The following DGKI variants were observed in gnomAD, a reference collection of about 807,000 sequenced individuals.
DGKI encodes the protein diacylglycerol kinase iota.
DGKI carries 55 observed loss-of-function variants against 147.5 expected under a neutral mutation model. The ratio of observed to expected loss-of-function variants is 0.37; its 90% CI spans 0.30 to 0.47. The LOEUF is 0.47. Ranked by LOEUF, DGKI falls within the 20% of genes least tolerant of loss-of-function variation. DGKI has a pLI of 1.00. For synonymous variants in DGKI, 469 were observed against 477.1 expected, an observed-to-expected ratio of 0.98 and a Z score of 0.22; for missense variants, 1,007 against 1,323.8, an observed-to-expected ratio of 0.76 and a Z score of 3.71.
At chr7:137,700,619 T>C (rs1456526138) in intron 1 of DGKI, among the ~76,000 whole-genome samples, 1 of 152,174 alleles carries the variant, frequency 6.6e-6, no homozygotes, top group Non-Finnish European at 1.5e-5. Context: ...GGCTTATGCC[T>C]GTAATCCCAG....
rs1468368098 is a variant in DGKI at position 137,789,314 on chromosome 7, A to C, written c.401+57148T>G. On this transcript the variant is annotated intron_variant, in intron 1 of 32. Transcript: ENST00000614521. ...AGTGGGAGAGGTTTTTTTAAAAAAA[A>C]TAAAATAAAAATAAAAAGACTACCA... Among the ~76,000 whole-genome samples, 6 of 152,104 alleles carry C rather than the reference A, an allele frequency of 3.9e-5. 1 individual carries two copies. Among genetic ancestry groups the C allele is most frequent in the African/African-American group, 1.4e-4 (6 of 41,434 alleles).
intron 1 of DGKI, among the ~76,000 whole-genome samples, chr7:137,808,084 C>A (rs1797437968): frequency 6.6e-6 from 1 of 152,156 alleles, no homozygotes; most frequent in South Asian, 2.1e-4. Flanking sequence ...ATTGCTATTT[C>A]CCAGTTGTTC....
At chr7:137,597,144 A>G (rs1819825471) in intron 12 of DGKI, among the ~76,000 whole-genome samples, 3 of 152,176 alleles carry the variant, frequency 2.0e-5, no homozygotes, top group Non-Finnish European at 4.4e-5. Context: ...ACAAACATAC[A>G]GTCAGAAGGA....
At chr7:137,802,559 G>A (rs544884510) in intron 1 of DGKI, among the ~76,000 whole-genome samples, 2 of 152,096 alleles carry the variant, frequency 1.3e-5, no homozygotes, top group South Asian at 4.1e-4. Context: ...GTCATAAATA[G>A]GGTTATGGCT....
intron 23 of DGKI, among the ~76,000 whole-genome samples, chr7:137,471,950 T>C (rs1210249190): frequency 1.6e-5 from 2 of 128,954 alleles, no homozygotes; most frequent in African/African-American, 3.3e-5. Context: ...TATACACATG[T>C]ATATATTATA....
intron 1 of DGKI, among the ~76,000 whole-genome samples, chr7:137,730,615 A>G (rs1027614489): frequency 6.6e-6 from 1 of 152,130 alleles, no homozygotes; most frequent in Non-Finnish European, 1.5e-5. Context: ...TTACTCAGGT[A>G]TCAGTGACAT....
chr7:137,401,368 C>CAA (rs1160377714), intron 30 of DGKI, among the ~76,000 whole-genome samples: 3 of 129,970 alleles, frequency 2.3e-5, no homozygotes, highest in African/African-American at 8.4e-5. Context: ...CCCAACTCTA[C>CAA]AAAAAAAAAA....
At chr7:137,682,230 C>T (rs1823263671) in intron 2 of DGKI, among the ~76,000 whole-genome samples, 1 of 151,976 alleles carries the variant, frequency 6.6e-6, no homozygotes, top group Non-Finnish European at 1.5e-5. Context: ...GTTGTCTAGC[C>T]TGGGTGGCAT....
At chr7:137,395,789 C>T in intron 31 of DGKI, 92 bp from the exon 32 acceptor site, 2 of 1,164,720 alleles carry the variant, frequency 1.7e-6, no homozygotes, top group Non-Finnish European at 2.5e-6. Flanking sequence ...GCTCCTCAGC[C>T]TCCTTCCCTG....
intron 1 of DGKI, among the ~76,000 whole-genome samples, chr7:137,750,263 G>C (rs527954573): frequency 1.3e-5 from 2 of 152,154 alleles, no homozygotes; most frequent in Non-Finnish European, 2.9e-5. Flanking sequence ...TGAGTAGGTA[G>C]TGCTGAGGCC....
At chr7:137,527,047 C>T (rs1365358043) in intron 20 of DGKI, among the ~76,000 whole-genome samples, 1 of 152,104 alleles carries the variant, frequency 6.6e-6, no homozygotes, top group Non-Finnish European at 1.5e-5. Context: ...GACATGATAG[C>T]AAGTGGATAA....
intron 1 of DGKI, among the ~76,000 whole-genome samples, chr7:137,805,727 A>G (rs1257514076): frequency 2.0e-5 from 3 of 152,366 alleles, no homozygotes; most frequent in Admixed American, 2.0e-4. Context: ...GGCACCCTTC[A>G]TAACATTAAT....
At chr7:137,544,118 T>G (rs1817790085) in intron 20 of DGKI, among the ~76,000 whole-genome samples, 1 of 152,140 alleles carries the variant, frequency 6.6e-6, no homozygotes, top group African/African-American at 2.4e-5. Context: ...GACAATTTAC[T>G]TTACTGTATG....
intron 1 of DGKI, among the ~76,000 whole-genome samples, chr7:137,823,061 C>CAAAA (rs113953441): frequency 9.0e-5 from 12 of 133,540 alleles, no homozygotes; most frequent in African/African-American, 3.3e-4. Context: ...TCCCCCAACC[C>CAAAA]AAAAAAAAAA....
chr7:137,649,563 T>C lies in DGKI; in HGVS notation c.739-4026A>G, dbSNP rs7794466. 2.5e-3 allele frequency among the ~76,000 whole-genome samples: 374 copies of C among 152,184 alleles called. 3 individuals carry two copies. Among genetic ancestry groups the C allele is most frequent in the African/African-American group, 8.8e-3 (365 of 41,544 alleles). On this transcript the variant is annotated intron_variant, in intron 5 of 32. Coordinates refer to ENST00000614521, the MANE Select transcript of DGKI (RefSeq NM_001321708.2). ...ATTATTTCAGGGCTTATATTCAGTA[T>C]TGTTAGCAAAAATACACAATACAAT...
intron 12 of DGKI, among the ~76,000 whole-genome samples, chr7:137,588,347 C>G (rs1397396567): frequency 6.6e-6 from 1 of 151,680 alleles, no homozygotes. Context: ...GTTTATTGAA[C>G]ACTACTTCAT....
Position 137,494,523 on chromosome 7 carries a change from T to C in DGKI, c.2249-6834A>G, listed in dbSNP as rs558426530. 7.2e-5 allele frequency among the ~76,000 whole-genome samples: 11 copies of C among 152,326 alleles called. No individual in the cohort carries two copies. In the South Asian group the frequency reaches 2.1e-3, roughly 29 times the overall value. On this transcript the variant is annotated intron_variant, in intron 21 of 32. Transcript: ENST00000614521. The stretch of plus-strand genomic sequence containing the variant: ...AGAGATTAGGGGCCTATATTCAGCA[T>C]TCTTAAAGAAAAGAATTTCAAACCA...
At chr7:137,602,313 A>C (rs1251229238) in intron 10 of DGKI, among the ~76,000 whole-genome samples, 1 of 152,214 alleles carries the variant, frequency 6.6e-6, no homozygotes, top group South Asian at 2.1e-4. Flanking sequence ...AAATAAAAAT[A>C]AAAAGCATTG....
In DGKI at chr7:137,487,655, G is replaced by A; in HGVS notation, c.2283C>T (p.Asp761=). ...IPLGILVVRG[D]CDLETCRMYI... ...ACATACGGCAAGTCTCCAAATCACA[G>A]TCTCCACGCACAACTAGAATACCCA... Residue 761 remains aspartate, a synonymous_variant, in exon 22 of 33, where the codon GAC becomes GAT. Transcript: ENST00000614521. 1 of 1,613,762 alleles carries A rather than the reference G, an allele frequency of 6.2e-7. No homozygotes were observed. Among genetic ancestry groups the A allele is most frequent in the Non-Finnish European group, 8.5e-7 (1 of 1,179,752 alleles).
Sources: allele counts gnomAD v4.1 joint callset (sites outside exome capture counted in the v4.1 genomes callset), GRCh38; gene constraint gnomAD v4.1.1; transcripts MANE v1.5; gene names NCBI Gene and HGNC (gene_info 2026-07-23, HGNC 2026-07-21).